The following SUGCT variants were observed in gnomAD, a reference collection of about 807,000 sequenced individuals.
The protein encoded by SUGCT is succinyl-CoA:glutarate-CoA transferase.
SUGCT carries 41 observed loss-of-function variants against 55.0 expected under a neutral mutation model. That is an observed-to-expected ratio of 0.74 (90% confidence interval 0.58 to 0.97). The LOEUF (loss-of-function observed/expected upper bound fraction) is 0.97. Ranked by LOEUF, SUGCT falls within the 50% of genes least tolerant of loss-of-function variation. The pLI, the probability that SUGCT is intolerant of heterozygous loss-of-function variation, is 0.00. For missense variants in SUGCT, 568 were observed against 547.8 expected (o/e 1.04, Z -0.37); for synonymous variants, 187 against 200.4 (o/e 0.93, Z 0.56).
the SUGCT span, among the ~76,000 whole-genome samples, chr7:40,948,842 T>C: frequency 6.6e-6 from 1 of 152,214 alleles, no homozygotes; most frequent in African/African-American, 2.4e-5. Flanking sequence ...ATTTTCTTAA[T>C]CCAGTCTGTC....
At chr7:40,964,485 A>G in the SUGCT span, among the ~76,000 whole-genome samples, 1 of 152,144 alleles carries the variant, frequency 6.6e-6, no homozygotes, top group Admixed American at 6.5e-5. Context: ...CAAGTGCCTC[A>G]AATGTCATAG....
chr7:40,907,888 T>C, the SUGCT span, among the ~76,000 whole-genome samples: 5 of 152,184 alleles, frequency 3.3e-5, no homozygotes, highest in Admixed American at 2.0e-4. Flanking sequence ...TTATTTATCT[T>C]ATGAGGGGAG....
At chr7:40,763,524 A>G (rs1350636851) in intron 13 of SUGCT, among the ~76,000 whole-genome samples, 1 of 152,124 alleles carries the variant, frequency 6.6e-6, no homozygotes, top group Admixed American at 6.5e-5. Flanking sequence ...CACTCCTGAG[A>G]GTGAAATGGT....
At chr7:40,656,927 G>A (rs1801043549) in intron 12 of SUGCT, among the ~76,000 whole-genome samples, 1 of 152,160 alleles carries the variant, frequency 6.6e-6, no homozygotes, top group African/African-American at 2.4e-5. Context: ...TGAAGCCCTG[G>A]TTACAGAGAT....
intron 9 of SUGCT, among the ~76,000 whole-genome samples, chr7:40,386,906 C>T (rs1785158131): frequency 6.6e-6 from 1 of 152,182 alleles, no homozygotes; most frequent in African/African-American, 2.4e-5. Flanking sequence ...TTGGGGCAAT[C>T]TTTTTCTTTC....
At chr7:40,212,224 T>A (rs1001643312) in intron 6 of SUGCT, among the ~76,000 whole-genome samples, 5 of 151,126 alleles carry the variant, frequency 3.3e-5, no homozygotes, top group African/African-American at 1.2e-4. Flanking sequence ...TTGTCAATTC[T>A]AAAGAGCCTG....
Position 40,808,698 on chromosome 7 carries a change from C to T in SUGCT, c.1154-51618C>T, listed in dbSNP as rs185547204. 2.1e-3 allele frequency among the ~76,000 whole-genome samples: 327 copies of T among 152,226 alleles called. 1 individual carries two copies. The highest frequency in any genetic ancestry group is 7.5e-3 in the African/African-American group (313 of 41,532). ...AGTTGCCCCATTCCCTGCTTTTATA[C>T]AAAAATATCTCTTGTGTGTGTCATT... is the stretch of plus-strand genomic sequence containing the variant. On this transcript the variant is annotated intron_variant, in intron 13 of 13. Transcript: ENST00000335693.
chr7:41,028,750 G>A, the SUGCT span, among the ~76,000 whole-genome samples: 572 of 152,270 alleles, frequency 3.8e-3, 5 homozygotes, highest in Non-Finnish European at 4.5e-3. Context: ...GCAGTTCTTG[G>A]CAGAACCTAA....
chr7:40,772,542 CTATCT>C (rs1312459048), intron 13 of SUGCT, among the ~76,000 whole-genome samples: 1 of 149,666 alleles, frequency 6.7e-6, no homozygotes, highest in Non-Finnish European at 1.5e-5. Flanking sequence ...ATCTATCTAT[CTATCT>C]ATCTATCTAT....
At chr7:40,349,690 G>C (rs560230522) in intron 9 of SUGCT, among the ~76,000 whole-genome samples, 6 of 151,576 alleles carry the variant, frequency 4.0e-5, no homozygotes, top group Admixed American at 2.6e-4. Context: ...GGTTTTTTTT[G>C]GAGGCAGGGT....
chr7:40,498,643 G>C (rs1185573141), intron 12 of SUGCT, among the ~76,000 whole-genome samples: 1 of 152,168 alleles, frequency 6.6e-6, no homozygotes, highest in South Asian at 2.1e-4. Flanking sequence ...TAAACTTCTA[G>C]ACTTTAGTTT....
intron 12 of SUGCT, among the ~76,000 whole-genome samples, chr7:40,739,640 T>G (rs1008292959): frequency 6.6e-6 from 1 of 152,204 alleles, no homozygotes; most frequent in Non-Finnish European, 1.5e-5. Flanking sequence ...TACACATGTT[T>G]CAGTGCCATT....
chr7:40,685,308 A>G (rs1462530728), intron 12 of SUGCT, among the ~76,000 whole-genome samples: 3 of 152,234 alleles, frequency 2.0e-5, no homozygotes, highest in Non-Finnish European at 2.9e-5. Flanking sequence ...TTTACAAATT[A>G]TAATCTACCT....
Position 40,181,030 on chromosome 7 carries a change from TGG to T in SUGCT, c.152+34_152+35del, listed in dbSNP as rs1319688844. On this transcript the variant is annotated intron_variant, in intron 2 of 13. Transcript: ENST00000335693. The stretch of plus-strand genomic sequence containing the variant: ...ATTGGTTTATCTACATTTTGGTGAT[TGG>T]GTTTTTCCCTTTCCTCAAAAACTTT... 4 of 1,523,172 alleles carry T rather than the reference TGG, an allele frequency of 2.6e-6. No homozygotes were observed. The African/African-American group carries it at 4.1e-5, about 16-fold the overall frequency. 94.4% of individuals were successfully genotyped at this position (1,523,172 alleles called of 1,614,324 possible). A position where few individuals can be genotyped will look rare whatever the true frequency, so the allele number is the denominator to read the frequency against.
chr7:40,183,631 A>G (rs1785339707), intron 3 of SUGCT, among the ~76,000 whole-genome samples: 1 of 152,008 alleles, frequency 6.6e-6, no homozygotes, highest in Non-Finnish European at 1.5e-5. Context: ...ACTCCTGGCC[A>G]TTTTTTTCTA....
the SUGCT span, among the ~76,000 whole-genome samples, chr7:40,868,970 A>AT: frequency 6.6e-6 from 1 of 152,228 alleles, no homozygotes; most frequent in Non-Finnish European, 1.5e-5. Context: ...TAATGTTAAC[A>AT]TTTTATATAA....
At chr7:40,924,414 T>C in the SUGCT span, among the ~76,000 whole-genome samples, 71 of 152,174 alleles carry the variant, frequency 4.7e-4, no homozygotes, top group African/African-American at 1.7e-3. Context: ...TATGCTCAGA[T>C]AATTTTTGTA....
chr7:40,231,146 A>G (rs1452740011), intron 6 of SUGCT, among the ~76,000 whole-genome samples: 1 of 152,182 alleles, frequency 6.6e-6, no homozygotes, highest in Admixed American at 6.5e-5. Flanking sequence ...TCAGAAACTC[A>G]GTTGCCAGGA....
At chr7:40,282,602 T>A (rs896365624) in intron 8 of SUGCT, among the ~76,000 whole-genome samples, 1 of 151,924 alleles carries the variant, frequency 6.6e-6, no homozygotes, top group Non-Finnish European at 1.5e-5. Context: ...TTAAAATGGA[T>A]TAAAGGGGCC....
Sources: gnomAD v4.1 joint callset for allele counts (sites outside exome capture counted in the v4.1 genomes callset) on GRCh38, gnomAD v4.1.1 for gene constraint, MANE v1.5 for transcripts, NCBI Gene and HGNC (gene_info 2026-07-23, HGNC 2026-07-21) for gene names.